Variants in DSCAM observed in about 807,000 individuals in gnomAD.
DSCAM encodes cell adhesion molecule DSCAM.
DSCAM carries 47 observed loss-of-function variants against 217.7 expected under a neutral mutation model. The ratio of observed to expected loss-of-function variants is 0.22; its 90% confidence interval spans 0.17 to 0.28. The LOEUF is 0.28. Among genes scored for constraint, DSCAM ranks in the 10% least tolerant of loss-of-function variants. The pLI is 1.00. For missense variants in DSCAM, 2,080 were observed against 2,618.3 expected, an observed-to-expected ratio of 0.79 and a Z score of 4.49; for synonymous variants, 1,056 against 1,015.3, an observed-to-expected ratio of 1.04 and a Z score of -0.76.
At chr21:40,439,319 G>A (rs1382681213) in intron 3 of DSCAM, among the ~76,000 whole-genome samples, 2 of 152,162 alleles carry the variant, frequency 1.3e-5, no homozygotes, top group East Asian at 1.9e-4. Context: ...AGATCCCTGT[G>A]CAAAAATGTT....
chr21:40,843,418 A>G (rs1185278313), intron 1 of DSCAM, among the ~76,000 whole-genome samples: 2 of 151,908 alleles, frequency 1.3e-5, no homozygotes, highest in Non-Finnish European at 2.9e-5. Flanking sequence ...GTAAAAACAG[A>G]GATGCCAGGA....
At chr21:40,498,790 T>C (rs2076148823) in intron 3 of DSCAM, among the ~76,000 whole-genome samples, 1 of 34,332 alleles carries the variant, frequency 2.9e-5, no homozygotes, top group South Asian at 7.5e-4. Flanking sequence ...TGTATATATA[T>C]ATATATATAT....
At chr21:40,362,003 A>G (rs1311326098) in intron 4 of DSCAM, among the ~76,000 whole-genome samples, 2 of 152,070 alleles carry the variant, frequency 1.3e-5, no homozygotes, top group African/African-American at 2.4e-5. Flanking sequence ...ATTCCCATCT[A>G]TGAGTGAGAA....
chr21:40,755,180 G>C (rs569921827), intron 1 of DSCAM, among the ~76,000 whole-genome samples: 1 of 152,298 alleles, frequency 6.6e-6, no homozygotes, highest in African/African-American at 2.4e-5. Flanking sequence ...AGTTACGGTG[G>C]CTCATGCCTG....
chr21:40,675,568 G>GA (rs1377883891), intron 3 of DSCAM, among the ~76,000 whole-genome samples: 1 of 152,156 alleles, frequency 6.6e-6, no homozygotes, highest in Non-Finnish European at 1.5e-5. Flanking sequence ...GGAGACTAAA[G>GA]AAAAATAAGT....
In DSCAM at chr21:40,353,681, G is replaced by T. The variant is rs2074659546; in HGVS notation, c.718C>A (p.Gln240Lys). ...GCTTTGCAAGGCAGCTCCACACGCTGCCCAGCCATGGCTTTGCGATGGTCA... is the reference window on the plus strand; with the variant it reads ...GCTTTGCAAGGCAGCTCCACACGCTTCCCAGCCATGGCTTTGCGATGGTCA... ...GFDHRKAMAG[Q>K]RVELPCKALG... The change falls in exon 5 of 33, where the codon CAG becomes AAG. Residue 240 changes from glutamine (Q) to lysine (K), a missense_variant. Transcript: ENST00000400454. 1.9e-6 allele frequency: 3 copies of T among 1,607,344 alleles called. No homozygotes were observed. The highest frequency in any genetic ancestry group is 2.5e-6 in the Non-Finnish European group (3 of 1,178,190).
At chr21:40,473,832 A>G (rs1008950949) in intron 3 of DSCAM, among the ~76,000 whole-genome samples, 9 of 152,180 alleles carry the variant, frequency 5.9e-5, no homozygotes, top group Non-Finnish European at 2.9e-5. Context: ...GTTAGGACAC[A>G]GAGAGGAGGT....
At chr21:40,725,375 G>A (rs570025529) in intron 1 of DSCAM, among the ~76,000 whole-genome samples, 71 of 152,194 alleles carry the variant, frequency 4.7e-4, no homozygotes, top group African/African-American at 1.6e-3. Flanking sequence ...ACCTGCGTCC[G>A]GGCTCCAGGT....
Position 40,245,445 on chromosome 21 carries a change from T to C in DSCAM, c.2356+30652A>G, listed in dbSNP as rs868728402. Reference sequence around the variant, plus strand: ...AAAGCTGAGAGGGTAGCCCAGTCCATCATAGCTTGCTGGGTGATTTCGCAT... The same window carrying C: ...AAAGCTGAGAGGGTAGCCCAGTCCACCATAGCTTGCTGGGTGATTTCGCAT... On this transcript the variant is annotated intron_variant, in intron 11 of 32. Coordinates refer to ENST00000400454, the MANE Select transcript of DSCAM (RefSeq NM_001389.5). Among the ~76,000 whole-genome samples the C allele has an allele frequency of 1.8e-4, 27 of 152,292 alleles. 1 individual carries two copies. The Middle Eastern group carries it at 0.017, about 96-fold the overall frequency.
In DSCAM at chr21:40,720,630, A is replaced by T. The variant is rs549643016; in HGVS notation, c.44-11859T>A. Reference sequence around the variant, plus strand: ...CAACAAACAAAAACACAGAAACAAGAACTGGATTTACTCTATGTCTTCACT... The same window carrying T: ...CAACAAACAAAAACACAGAAACAAGTACTGGATTTACTCTATGTCTTCACT... On this transcript the variant is annotated intron_variant, in intron 1 of 32. Transcript: ENST00000400454. Among the ~76,000 whole-genome samples, 4 of 152,268 alleles carry T rather than the reference A, an allele frequency of 2.6e-5. No homozygotes were observed. The South Asian group carries it at 8.3e-4, about 32-fold the overall frequency.
chr21:40,451,740 T>G (rs577019111), intron 3 of DSCAM, among the ~76,000 whole-genome samples: 1 of 152,200 alleles, frequency 6.6e-6, no homozygotes, highest in South Asian at 2.1e-4. Context: ...CTGGAGGATG[T>G]GTGCACGCCA....
chr21:40,547,679 C>A (rs1447263704), intron 3 of DSCAM, among the ~76,000 whole-genome samples: 1 of 152,114 alleles, frequency 6.6e-6, no homozygotes, highest in Non-Finnish European at 1.5e-5. Context: ...GTCATGAGAA[C>A]CAGCCACAGG....
intron 1 of DSCAM, among the ~76,000 whole-genome samples, chr21:40,843,080 T>A (rs1434520985): frequency 6.6e-6 from 1 of 152,196 alleles, no homozygotes; most frequent in Non-Finnish European, 1.5e-5. Context: ...CTTACATACA[T>A]TTATGTGAAT....
intron 3 of DSCAM, among the ~76,000 whole-genome samples, chr21:40,434,801 T>A (rs2075568428): frequency 6.6e-6 from 1 of 152,186 alleles, no homozygotes; most frequent in Admixed American, 6.5e-5. Context: ...AACACCCGAT[T>A]AGACACTAAA....
intron 19 of DSCAM, among the ~76,000 whole-genome samples, chr21:40,128,534 C>A (rs2090120396): frequency 6.6e-6 from 1 of 151,904 alleles, no homozygotes; most frequent in Non-Finnish European, 1.5e-5. Context: ...AGATGCGCCC[C>A]TTAGAAGAGG....
At chr21:40,451,966 T>TC (rs2075723279) in intron 3 of DSCAM, among the ~76,000 whole-genome samples, 1 of 151,952 alleles carries the variant, frequency 6.6e-6, no homozygotes, top group African/African-American at 2.4e-5. Context: ...GACAGAAGGG[T>TC]CCCTCAACAG....
At chr21:40,169,883 G>C (rs974190068) in intron 15 of DSCAM, among the ~76,000 whole-genome samples, 1 of 151,842 alleles carries the variant, frequency 6.6e-6, no homozygotes, top group Non-Finnish European at 1.5e-5. Flanking sequence ...CGTCCTTATG[G>C]GGATCCCTAT....
At chr21:40,413,390 A>T (rs1040503915) in intron 3 of DSCAM, among the ~76,000 whole-genome samples, 2 of 152,248 alleles carry the variant, frequency 1.3e-5, no homozygotes, top group Non-Finnish European at 2.9e-5. Flanking sequence ...CCACAGAGGC[A>T]GAGCTGCCCA....
At chr21:40,372,690 A>G (rs1252657284) in intron 3 of DSCAM, among the ~76,000 whole-genome samples, 3 of 152,174 alleles carry the variant, frequency 2.0e-5, no homozygotes, top group African/African-American at 7.2e-5. Flanking sequence ...TCCAGCTGTT[A>G]TATGTTACTT....
Sources: gnomAD v4.1 joint callset for allele counts (sites outside exome capture counted in the v4.1 genomes callset) on GRCh38, gnomAD v4.1.1 for gene constraint, MANE v1.5 for transcripts, NCBI Gene and HGNC (gene_info 2026-07-23, HGNC 2026-07-21) for gene names.